Variants in PALM2AKAP2 observed in about 807,000 individuals in gnomAD.
The protein encoded by PALM2AKAP2 is PALM2 and AKAP2 fusion.
In PALM2AKAP2, 37 loss-of-function variants were observed where a neutral mutation model predicts 71.5. The ratio of observed to expected loss-of-function variants is 0.52; its 90% confidence interval spans 0.40 to 0.68. PALM2AKAP2 has a LOEUF of 0.68. Among genes scored for constraint, PALM2AKAP2 ranks in the 30% least tolerant of loss-of-function variants. PALM2AKAP2 has a pLI of 0.00. For synonymous variants in PALM2AKAP2, 468 were observed against 478.8 expected (o/e 0.98, Z 0.29); for missense variants, 1,224 against 1,191.8 (o/e 1.03, Z -0.40).
At chr9:110,021,826 A>G (rs75823150) in intron 7 of PALM2AKAP2, among the ~76,000 whole-genome samples, 2,674 of 152,294 alleles carry the variant, frequency 0.018, 41 homozygotes, top group Non-Finnish European at 0.029. Flanking sequence ...GAAAACAACA[A>G]TAACACAGCT....
intron 1 of PALM2AKAP2, among the ~76,000 whole-genome samples, chr9:109,706,761 T>C (rs1828151474): frequency 6.6e-6 from 1 of 152,234 alleles, no homozygotes; most frequent in African/African-American, 2.4e-5. Context: ...TGCTACAACC[T>C]GGATGCACCT....
intron 1 of PALM2AKAP2, among the ~76,000 whole-genome samples, chr9:109,800,169 A>T (rs542304693): frequency 6.6e-6 from 1 of 152,310 alleles, no homozygotes; most frequent in East Asian, 1.9e-4. Flanking sequence ...TGAAAAGAGG[A>T]TGGAGATCAA....
chr9:109,985,569 G>A (rs1163996204), intron 6 of PALM2AKAP2, among the ~76,000 whole-genome samples: 3 of 145,454 alleles, frequency 2.1e-5, no homozygotes, highest in African/African-American at 5.1e-5. Flanking sequence ...GCAATGAGCC[G>A]AGATGGCACC....
At chr9:109,712,130 A>G (rs1364690655) in intron 1 of PALM2AKAP2, among the ~76,000 whole-genome samples, 1 of 152,160 alleles carries the variant, frequency 6.6e-6, no homozygotes, top group Non-Finnish European at 1.5e-5. Flanking sequence ...TTTTCACCCA[A>G]TAAAACAGGG....
chr9:109,843,140 C>CA lies in PALM2AKAP2; in HGVS notation c.46-24331dup, dbSNP rs60510582. Among the ~76,000 whole-genome samples, 63 of 62,824 alleles carry CA rather than the reference C, an allele frequency of 1.0e-3. 2 individuals are homozygous for CA. The highest frequency in any genetic ancestry group is 2.2e-3 in the East Asian group (4 of 1,852). 41.2% of individuals were successfully genotyped at this position (62,824 alleles called of 152,430 possible). On this transcript the variant is annotated intron_variant, in intron 1 of 9. Transcript: ENST00000302798. ...GGGCAACAGGAATGAAACTCGGTCTCAAAAAAAAAAAAAAAAAAAATCGAA... is the reference window on the plus strand; with the variant it reads ...GGGCAACAGGAATGAAACTCGGTCTCAAAAAAAAAAAAAAAAAAAAATCGAA...
intron 7 of PALM2AKAP2, among the ~76,000 whole-genome samples, chr9:110,036,557 T>C (rs1484690229): frequency 6.6e-6 from 1 of 152,164 alleles, no homozygotes; most frequent in African/African-American, 2.4e-5. Flanking sequence ...CGGCCACTCC[T>C]TTCCCTTTCT....
intron 5 of PALM2AKAP2, among the ~76,000 whole-genome samples, chr9:109,926,293 C>G (rs1010694179): frequency 6.6e-6 from 1 of 151,994 alleles, no homozygotes; most frequent in Non-Finnish European, 1.5e-5. Flanking sequence ...TTTTTTTCCC[C>G]TAGCAAGAGA....
intron 7 of PALM2AKAP2, among the ~76,000 whole-genome samples, chr9:110,021,293 A>G (rs1231593154): frequency 6.6e-6 from 1 of 152,218 alleles, no homozygotes; most frequent in African/African-American, 2.4e-5. Flanking sequence ...ATCCACCAGT[A>G]GCTAGAAGAG....
chr9:109,934,807 C>T, intron 6 of PALM2AKAP2, among the ~76,000 whole-genome samples: 1 of 152,210 alleles, frequency 6.6e-6, no homozygotes, highest in Admixed American at 6.5e-5. Flanking sequence ...CAGTCTGTTT[C>T]CCCTAGCTAT....
At chr9:110,002,667 T>C (rs994279774) in intron 6 of PALM2AKAP2, among the ~76,000 whole-genome samples, 2 of 152,148 alleles carry the variant, frequency 1.3e-5, no homozygotes, top group African/African-American at 4.8e-5. Flanking sequence ...GTCCTGGACT[T>C]TTTTTGGTTG....
intron 1 of PALM2AKAP2, among the ~76,000 whole-genome samples, chr9:109,721,256 G>A (rs1030983148): frequency 6.6e-6 from 1 of 152,188 alleles, no homozygotes; most frequent in African/African-American, 2.4e-5. Flanking sequence ...TGCAGGCTGA[G>A]CTCACACTGT....
rs574661836 is a variant in PALM2AKAP2 at position 109,663,145 on chromosome 9, G to A, written c.5+22279G>A. Among the ~76,000 whole-genome samples the A allele has an allele frequency of 6.6e-5, 10 of 152,098 alleles. No individual in the cohort carries two copies. In the South Asian group the frequency reaches 1.0e-3, roughly 16 times the overall value. ...TTGATCTTTTCAAAAACAAGCTTCC[G>A]GATTCATTGATTTTTTGAAAGGTTT... On this transcript the variant is annotated intron_variant, in intron 1 of 6. Transcript: ENST00000374531.
chr9:110,147,870 A>G (rs1587860675), intron 2 of PALM2AKAP2, among the ~76,000 whole-genome samples: 1 of 152,362 alleles, frequency 6.6e-6, no homozygotes, highest in Admixed American at 6.5e-5. Context: ...CACACATGAT[A>G]AAATTGCTTT....
chr9:110,058,177 A>G (rs1334617669), intron 1 of PALM2AKAP2, among the ~76,000 whole-genome samples: 1 of 152,212 alleles, frequency 6.6e-6, no homozygotes, highest in African/African-American at 2.4e-5. Context: ...CCTCAGATGT[A>G]TGCAAATCTC....
chr9:110,097,663 C>A (rs1834886893), intron 1 of PALM2AKAP2, among the ~76,000 whole-genome samples: 1 of 146,920 alleles, frequency 6.8e-6, no homozygotes, highest in Non-Finnish European at 1.5e-5. Context: ...CAGAGATGCT[C>A]CTCACTTTCC....
rs566219409 is a variant in PALM2AKAP2 at position 109,671,667 on chromosome 9, C to T, written c.5+30801C>T. Among the ~76,000 whole-genome samples, 7 of 152,164 alleles carry T rather than the reference C, an allele frequency of 4.6e-5. No individual in the cohort carries two copies. In the East Asian group the frequency reaches 5.8e-4, roughly 13 times the overall value. ...TAGTTTAATAGGAATAACATTGAAT[C>T]GGTAAATTGTTTTGGACAGTGTGGC... is the stretch of plus-strand genomic sequence containing the variant. On this transcript the variant is annotated intron_variant, in intron 1 of 6. Transcript: ENST00000374531.
At chr9:109,781,871 C>T (rs921495530) in intron 1 of PALM2AKAP2, among the ~76,000 whole-genome samples, 3 of 152,126 alleles carry the variant, frequency 2.0e-5, no homozygotes, top group African/African-American at 7.2e-5. Context: ...TTTGTGGTTT[C>T]TAAAGTTGGT....
intron 6 of PALM2AKAP2, among the ~76,000 whole-genome samples, chr9:109,998,286 A>G (rs1389157631): frequency 6.6e-6 from 1 of 152,156 alleles, no homozygotes; most frequent in Admixed American, 6.6e-5. Context: ...GACTTTGACA[A>G]CTTATTTTCC....
chr9:110,068,199 T>A (rs1037825740), intron 1 of PALM2AKAP2, among the ~76,000 whole-genome samples: 5 of 148,838 alleles, frequency 3.4e-5, no homozygotes, highest in Non-Finnish European at 7.4e-5. Context: ...CTTAGTTAAG[T>A]AAACTTTCAT....
Sources: gnomAD v4.1 joint callset for allele counts (sites outside exome capture counted in the v4.1 genomes callset) on GRCh38, gnomAD v4.1.1 for gene constraint, MANE v1.5 for transcripts, NCBI Gene and HGNC (gene_info 2026-07-23, HGNC 2026-07-21) for gene names.